Variants in CEP15 observed in about 807,000 individuals in gnomAD.
The protein encoded by CEP15 is centrosomal protein 15 kDa.
chr3:62,333,125 CAT>C, the CEP15 span: 11 of 802,966 alleles, frequency 1.4e-5, no homozygotes, highest in East Asian at 2.9e-5. This position sits in a 1 kb window ranked among gnomAD's most constrained non-coding sequence, Gnocchi z 4.0. Flanking sequence ...ATGCATTCTA[CAT>C]ATATGTGTGT....
the CEP15 span, among the ~76,000 whole-genome samples, chr3:62,326,375 A>C: frequency 6.6e-6 from 1 of 152,192 alleles, no homozygotes; most frequent in Non-Finnish European, 1.5e-5. Context: ...TCTATCCCAG[A>C]AATTGGCCCT....
the CEP15 span, chr3:62,333,152 A>G: frequency 7.3e-6 from 7 of 962,606 alleles, no homozygotes; most frequent in South Asian, 1.4e-5. This position sits in a 1 kb window ranked among gnomAD's most constrained non-coding sequence, Gnocchi z 4.0. Flanking sequence ...GTGTGTGTGT[A>G]TACACGCATA....
the CEP15 span, among the ~76,000 whole-genome samples, chr3:62,321,349 T>C: frequency 2.0e-5 from 3 of 152,228 alleles, no homozygotes; most frequent in Admixed American, 6.5e-5. This position sits in a 1 kb window ranked among gnomAD's most constrained non-coding sequence, Gnocchi z 4.1. Flanking sequence ...TTTTACCTTG[T>C]TGTGAGTATG....
the CEP15 span, among the ~76,000 whole-genome samples, chr3:62,330,385 C>T: frequency 4.6e-5 from 7 of 152,250 alleles, no homozygotes; most frequent in Non-Finnish European, 8.8e-5. Flanking sequence ...GGCCTGTGAC[C>T]AAGGCCACTG....
chr3:62,331,404 G>T, the CEP15 span: 1 of 1,611,382 alleles, frequency 6.2e-7, no homozygotes, highest in Non-Finnish European at 8.5e-7. Context: ...CTTGAGGTGA[G>T]CATCTTAAGG....
the CEP15 span, chr3:62,319,221 G>A: frequency 1.3e-5 from 2 of 152,654 alleles, no homozygotes; most frequent in Non-Finnish European, 2.9e-5. Context: ...GAGGGCAGAT[G>A]ACTCTGAGAA....
At chr3:62,325,163 T>C in the CEP15 span, among the ~76,000 whole-genome samples, 2 of 152,100 alleles carry the variant, frequency 1.3e-5, no homozygotes, top group African/African-American at 4.8e-5. Context: ...AAATGGAAGA[T>C]TTAAAAGAAA....
At chr3:62,329,215 G>A in the CEP15 span, among the ~76,000 whole-genome samples, 18 of 152,232 alleles carry the variant, frequency 1.2e-4, no homozygotes, top group African/African-American at 4.1e-4. Flanking sequence ...TAAATGGCAG[G>A]TATAAGAAGA....
At chr3:62,327,611 T>G in the CEP15 span, among the ~76,000 whole-genome samples, 2 of 152,190 alleles carry the variant, frequency 1.3e-5, no homozygotes, top group Non-Finnish European at 2.9e-5. Flanking sequence ...CTAGATATAT[T>G]CATTAGAAGT....
chr3:62,326,015 T>TACAAA, the CEP15 span, among the ~76,000 whole-genome samples: 1 of 126,526 alleles, frequency 7.9e-6, no homozygotes. Flanking sequence ...AGAGTGAGAC[T>TACAAA]TCGTCTCAAA....
the CEP15 span, among the ~76,000 whole-genome samples, chr3:62,330,517 T>C: frequency 6.6e-6 from 1 of 152,180 alleles, no homozygotes; most frequent in Non-Finnish European, 1.5e-5. Context: ...GGGCATTTAC[T>C]TCATGTATAT....
At chr3:62,326,576 T>G in the CEP15 span, among the ~76,000 whole-genome samples, 1 of 152,220 alleles carries the variant, frequency 6.6e-6, no homozygotes, top group African/African-American at 2.4e-5. Context: ...CATTTAAATA[T>G]AGCCTTCTCA....
chr3:62,332,927 T>G, the CEP15 span, among the ~76,000 whole-genome samples: 2 of 152,110 alleles, frequency 1.3e-5, no homozygotes, highest in African/African-American at 4.8e-5. Context: ...ATTTAATGAT[T>G]ATATCACCAT....
the CEP15 span, chr3:62,331,283 A>G: frequency 8.3e-6 from 13 of 1,572,576 alleles, no homozygotes; most frequent in African/African-American, 8.1e-5. Context: ...CATTTGTTTT[A>G]TGTAAATCCA....
At chr3:62,335,142 G>T in the CEP15 span, 5 of 152,180 alleles carry the variant, frequency 3.3e-5, no homozygotes, top group Admixed American at 2.6e-4. Context: ...TTTGAGATCT[G>T]TAAATTAAAT....
At chr3:62,330,548 CA>C in the CEP15 span, among the ~76,000 whole-genome samples, 1 of 152,042 alleles carries the variant, frequency 6.6e-6, no homozygotes, top group East Asian at 1.9e-4. Flanking sequence ...GAATCTTTAC[CA>C]GGGTATGAAT....
At chr3:62,336,148 A>C in the CEP15 span, 2 of 152,122 alleles carry the variant, frequency 1.3e-5, no homozygotes, top group African/African-American at 4.8e-5. This position sits in a 1 kb window ranked among gnomAD's most constrained non-coding sequence, Gnocchi z 4.4. Flanking sequence ...CCCTTTTTCC[A>C]TAAAAAATAA....
chr3:62,321,845 A>G, the CEP15 span: 4 of 1,070,076 alleles, frequency 3.7e-6, no homozygotes, highest in Admixed American at 3.0e-5. This position sits in a 1 kb window ranked among gnomAD's most constrained non-coding sequence, Gnocchi z 4.1. Context: ...AGGTGCAATT[A>G]AGAAATGAAT....
the CEP15 span, chr3:62,335,108 T>C: frequency 2.6e-5 from 4 of 152,254 alleles, no homozygotes; most frequent in South Asian, 8.3e-4. Context: ...ATTAACATCC[T>C]CAAATATTTG....
Sources: allele counts gnomAD v4.1 joint callset (sites outside exome capture counted in the v4.1 genomes callset), GRCh38; gene constraint gnomAD v4.1.1; non-coding constraint Gnocchi (gnomAD v3.1); transcripts MANE v1.5; gene names NCBI Gene and HGNC (gene_info 2026-07-23, HGNC 2026-07-21).